OSGIN1: variants seen among roughly 807,000 people sequenced by gnomAD.
The protein encoded by OSGIN1 is oxidative stress induced growth inhibitor 1, also known as oxidative stress-induced growth inhibitor 1.
Under a neutral mutation model 20.1 loss-of-function variants are expected in OSGIN1, and 19 were observed. The observed-to-expected ratio is 0.95, with a 90% CI of 0.66 to 1.39. OSGIN1 has a LOEUF of 1.39. Ranked by LOEUF, OSGIN1 falls within the 40% of genes most tolerant of loss-of-function variation. The pLI, the probability that OSGIN1 is intolerant of heterozygous loss-of-function variation, is 0.00. For synonymous variants in OSGIN1, 368 were observed against 297.8 expected, an observed-to-expected ratio of 1.24 and a Z score of -2.43; for missense variants, 820 against 653.0, an observed-to-expected ratio of 1.26 and a Z score of -2.79.
rs972754564 is a variant in OSGIN1 at position 83,966,003 on chromosome 16, C to G, written c.1430C>G (p.Pro477Arg). Residue 477 changes from proline (P) to arginine (R), a missense_variant, in exon 6 of 6, where the codon CCC (proline) becomes CGC (arginine). Pro to Arg is a moderately radical substitution (Grantham distance 103). Coordinates refer to ENST00000393306, the MANE Select transcript of OSGIN1 (RefSeq NM_182981.3). ...CTAAGGAAGGAGACCAGGAAGCCAC[C>G]CTAACACTCGGCCAGACCCGCTGGC... The part of the protein sequence containing the change: ...SLLRKETRKP[P>R] 1 of 1,559,038 alleles carries G rather than the reference C, an allele frequency of 6.4e-7. No individual in the cohort carries two copies. Among genetic ancestry groups the G allele is most frequent in the Non-Finnish European group, 8.7e-7 (1 of 1,154,026 alleles).
intron 5 of OSGIN1, among the ~76,000 whole-genome samples, chr16:83,963,460 A>ACACC (rs2084239532): frequency 6.6e-6 from 1 of 151,978 alleles, no homozygotes; most frequent in Admixed American, 6.5e-5. Context: ...CACCGCAGAC[A>ACACC]CACCCCCTGC....
chr16:83,965,302 C>A lies in OSGIN1; in HGVS notation c.729C>A (p.Val243=), dbSNP rs371180077. 1 of 1,596,046 alleles carries A rather than the reference C, an allele frequency of 6.3e-7. No homozygotes were observed. The highest frequency in any genetic ancestry group is 1.3e-5 in the African/African-American group (1 of 74,664). Residue 243 remains valine (V), a synonymous_variant, in exon 6 of 6, where the codon GTC becomes GTA. Coordinates refer to ENST00000393306, the MANE Select transcript of OSGIN1 (RefSeq NM_182981.3). ...QPFSLWARNV[V]LATGTFDSPA... ...TCTCGCTGTGGGCCCGCAACGTGGT[C>A]CTCGCCACAGGCACGTTCGACAGCC...
At chr16:83,965,037 T>C (rs747704635) in intron 5 of OSGIN1, 25 bp from the exon 6 acceptor site, 1 of 1,124,808 alleles carries the variant, frequency 8.9e-7, no homozygotes, top group Non-Finnish European at 1.3e-6. Flanking sequence ...TGTCTGACTC[T>C]GGCGTCCTGC....
chr16:83,964,842 C>T (rs1013857065), intron 5 of OSGIN1, among the ~76,000 whole-genome samples: 2 of 152,130 alleles, frequency 1.3e-5, no homozygotes. Flanking sequence ...GAGCATCCTA[C>T]ACCACCCTAC....
At chr16:83,953,407 A>C (rs545536853) in intron 1 of OSGIN1, 37 bp downstream of exon 1, 1 of 1,286,504 alleles carries the variant, frequency 7.8e-7, no homozygotes, top group South Asian at 1.2e-5. Context: ...GCAGGGAATC[A>C]GGCACATCCC....
chr16:83,959,216 A>T, intron 2 of OSGIN1, 44 bp from the exon 3 acceptor site: 1 of 1,527,612 alleles, frequency 6.5e-7, no homozygotes, highest in South Asian at 1.1e-5. Flanking sequence ...AGTGTCCCCC[A>T]CCTGAAAAGG....
chr16:83,965,914 G>A lies in OSGIN1; in HGVS notation c.1341G>A (p.Pro447=), dbSNP rs200734774. 5.1e-5 allele frequency: 83 copies of A among 1,612,714 alleles called. No homozygotes were observed. The highest frequency in any genetic ancestry group is 2.9e-4 in the East Asian group (13 of 44,866). ...AGGAGGGCCTGTACGCCATGGGGCCGCTGGCCGGGGACAACTTCGTGAGGT... is the reference window on the plus strand; with the variant it reads ...AGGAGGGCCTGTACGCCATGGGGCCACTGGCCGGGGACAACTTCGTGAGGT... ...TRQEGLYAMG[P]LAGDNFVRFV... The change falls in exon 6 of 6, where the codon CCG becomes CCA. Residue 447 remains proline (P), a synonymous_variant. Coordinates refer to ENST00000393306, the MANE Select transcript of OSGIN1 (RefSeq NM_182981.3).
chr16:83,959,290 A>C lies in OSGIN1; in HGVS notation c.98A>C (p.Tyr33Ser). The C allele has an allele frequency of 6.2e-7, 1 of 1,612,888 alleles. No individual in the cohort carries two copies. The highest frequency in any genetic ancestry group is 8.5e-7 in the Non-Finnish European group (1 of 1,179,710). Residue 33 changes from tyrosine to serine, a missense_variant, in exon 3 of 6, where the codon TAC (tyrosine) becomes TCC (serine). Coordinates refer to ENST00000393306, the MANE Select transcript of OSGIN1 (RefSeq NM_182981.3). The part of the protein sequence containing the change: ...GNGPSGICLS[Y>S]LLSGYTPYTK... ...GGCCCCTCTGGTATCTGCCTGTCCTACCTGCTCTCCGGCTACACACCCTAC... is the reference window on the plus strand; with the variant it reads ...GGCCCCTCTGGTATCTGCCTGTCCTCCCTGCTCTCCGGCTACACACCCTAC...
At chr16:83,961,853 G>C (rs1362664737) in intron 5 of OSGIN1, among the ~76,000 whole-genome samples, 2 of 152,132 alleles carry the variant, frequency 1.3e-5, no homozygotes, top group Non-Finnish European at 2.9e-5. Context: ...CGTGCCTCTG[G>C]CACAGGTCCC....
At position 83,965,830 on chromosome 16, in the gene OSGIN1, G is replaced by A. The variant is rs375432716; in HGVS notation, c.1257G>A (p.Pro419=). ...ACTTTGCAGTGGATCCTGACCAGCCGCTGAGCGCCAAGAGGAACCCCATTG... is the reference window on the plus strand; with the variant it reads ...ACTTTGCAGTGGATCCTGACCAGCCACTGAGCGCCAAGAGGAACCCCATTG... ...GADFAVDPDQ[P]LSAKRNPIDV... The change falls in exon 6 of 6, where the codon CCG becomes CCA. Residue 419 remains proline (P), a synonymous_variant. Transcript: ENST00000393306. The A allele has an allele frequency of 6.4e-5, 104 of 1,612,910 alleles. No homozygotes were observed. The highest frequency in any genetic ancestry group is 3.1e-4 in the East Asian group (14 of 44,880).
chr16:83,965,264 G>A lies in OSGIN1; in HGVS notation c.691G>A (p.Ala231Thr). The A allele has an allele frequency of 6.2e-7, 1 of 1,609,096 alleles. No homozygotes were observed. The highest frequency in any genetic ancestry group is 8.5e-7 in the Non-Finnish European group (1 of 1,177,476). Residue 231 changes from alanine to threonine, a missense_variant, in exon 6 of 6, where the codon GCC becomes ACC. Coordinates refer to ENST00000393306, the MANE Select transcript of OSGIN1 (RefSeq NM_182981.3). ...GAGCGGCTTCCTGACCAGGAACCAG[G>A]CCCAGCAGCCCTTCTCGCTGTGGGC... ...QVSGFLTRNQ[A>T]QQPFSLWARN... is the part of the protein sequence containing the mutation.
Position 83,966,042 on chromosome 16 carries a change from G to A in OSGIN1, c.*35G>A. 6.9e-7 allele frequency: 1 copy of A among 1,444,656 alleles called. No individual in the cohort carries two copies. The highest frequency in any genetic ancestry group is 1.4e-5 in the South Asian group (1 of 72,346). The allele number at this position is 1,444,656 out of a possible 1,614,324, so 89.5% of individuals were successfully genotyped here. ...AGACCCGCTGGCTCCCAGGCCCTGA[G>A]AGGACAGAGATGACCACATCCCTGC... On this transcript the variant is annotated 3_prime_UTR_variant, in exon 6 of 6. Transcript: ENST00000393306.
rs1278058913 is a variant in OSGIN1, at chr16:83,964,204, C to T, written c.489-858C>T. 3.3e-5 allele frequency among the ~76,000 whole-genome samples: 5 copies of T among 152,012 alleles called. No homozygotes were observed. In the South Asian group the frequency reaches 6.2e-4, roughly 19 times the overall value. On this transcript the variant is annotated intron_variant, in intron 5 of 5. Coordinates refer to ENST00000393306, the MANE Select transcript of OSGIN1 (RefSeq NM_182981.3). ...CTGTAGTTCCAGCTGCTCAGGAGGC[C>T]GAGGTATGAGAATCACCTGAGCCCG...
chr16:83,954,118 C>T (rs1908816604), intron 1 of OSGIN1: 1 of 152,302 alleles, frequency 6.6e-6, no homozygotes, highest in Admixed American at 6.5e-5. Flanking sequence ...CCTAGGTGAC[C>T]TGGGGCAAGA....
chr16:83,959,031 C>G (rs891349301), intron 2 of OSGIN1, among the ~76,000 whole-genome samples: 3 of 152,198 alleles, frequency 2.0e-5, no homozygotes, highest in African/African-American at 4.8e-5. Context: ...GTTGTGAAAG[C>G]TCTCAGTACA....
intron 1 of OSGIN1, among the ~76,000 whole-genome samples, chr16:83,954,949 G>C (rs540512798): frequency 6.6e-6 from 1 of 152,220 alleles, no homozygotes; most frequent in Admixed American, 6.5e-5. Context: ...CACTCGTTTG[G>C]TGAAGGGGCT....
At chr16:83,960,395 GA>G (rs1433405659) in intron 3 of OSGIN1, among the ~76,000 whole-genome samples, 173 bp from the exon 4 acceptor site, 2 of 152,188 alleles carry the variant, frequency 1.3e-5, no homozygotes, top group African/African-American at 4.8e-5. Flanking sequence ...TGGCCTCCTA[GA>G]AAGACCTCAA....
intron 5 of OSGIN1, 90 bp downstream of exon 5, chr16:83,961,162 G>A (rs974739972): frequency 2.7e-6 from 3 of 1,094,242 alleles, no homozygotes; most frequent in South Asian, 1.3e-5. Flanking sequence ...AATTTAGAAA[G>A]TTTATTTTTC....
At position 83,953,386 on chromosome 16, in the gene OSGIN1, C is replaced by G. The variant is rs1466241060; in HGVS notation, c.-33+16C>G. On this transcript the variant is annotated intron_variant, in intron 1 of 5. Coordinates refer to ENST00000393306, the MANE Select transcript of OSGIN1 (RefSeq NM_182981.3). ...TGCCTGTCAGGTGAGTGTCCGGGGCCAGGTTCCGGGGCAGGGAATCAGGCA... is the reference window on the plus strand; with the variant it reads ...TGCCTGTCAGGTGAGTGTCCGGGGCGAGGTTCCGGGGCAGGGAATCAGGCA... The G allele has an allele frequency of 7.8e-7, 1 of 1,288,548 alleles. No individual in the cohort carries two copies. Among genetic ancestry groups the G allele is most frequent in the Non-Finnish European group, 1.0e-6 (1 of 988,356 alleles). 79.8% of individuals were successfully genotyped at this position (1,288,548 alleles called of 1,614,324 possible). A position where few individuals can be genotyped will look rare whatever the true frequency, so the allele number is the denominator to read the frequency against.
Sources: gnomAD v4.1 joint callset for allele counts (sites outside exome capture counted in the v4.1 genomes callset) on GRCh38, gnomAD v4.1.1 for gene constraint, MANE v1.5 for transcripts, NCBI Gene and HGNC (gene_info 2026-07-23, HGNC 2026-07-21) for gene names.